The following TJP2 variants were observed in gnomAD, a reference collection of about 807,000 sequenced individuals.
TJP2 encodes the protein Friedreich ataxia region gene X104 (tight junction protein ZO-2).
Under a neutral mutation model 133.1 loss-of-function variants are expected in TJP2, and 91 were observed. The observed-to-expected ratio is 0.68, with a 90% CI of 0.58 to 0.81. TJP2 has a LOEUF of 0.81. TJP2 is among the 40% of genes least tolerant of loss of function. The pLI is 0.00. For missense variants in TJP2, 1,541 were observed against 1,565.6 expected (o/e 0.98, Z 0.26); for synonymous variants, 592 against 583.4 (o/e 1.01, Z -0.21).
intron 11 of TJP2, among the ~76,000 whole-genome samples, chr9:69,232,213 C>T (rs1355618979): frequency 6.6e-6 from 1 of 152,198 alleles, no homozygotes; most frequent in Non-Finnish European, 1.5e-5. Context: ...GGAGGTCAGG[C>T]AATAGGTGGT....
chr9:69,198,957 T>C (rs1172743976), intron 1 of TJP2, among the ~76,000 whole-genome samples: 1 of 152,248 alleles, frequency 6.6e-6, no homozygotes, highest in Admixed American at 6.5e-5. Context: ...TATTCGTTTT[T>C]GGAAGAACAA....
chr9:69,214,321 A>G (rs1054216016), intron 2 of TJP2, among the ~76,000 whole-genome samples: 1 of 152,148 alleles, frequency 6.6e-6, no homozygotes, highest in Non-Finnish European at 1.5e-5. Flanking sequence ...CCTGGACTCA[A>G]GCAATTCACC....
intron 17 of TJP2, among the ~76,000 whole-genome samples, chr9:69,246,070 G>A (rs754693402): frequency 6.6e-6 from 1 of 152,124 alleles, no homozygotes. Context: ...GTATAACAAC[G>A]ATTTGCGTAG....
At chr9:69,249,916 C>A (rs967756523) in intron 20 of TJP2, among the ~76,000 whole-genome samples, 1 of 152,166 alleles carries the variant, frequency 6.6e-6, no homozygotes. Context: ...ATCATCACCA[C>A]TGCTTACAAT....
In TJP2 at chr9:69,227,998, C is replaced by A. The variant is rs150193775; in HGVS notation, c.1337C>A (p.Pro446Gln). Residue 446 changes from proline to glutamine, a missense_variant, in exon 9 of 23, where the codon CCG becomes CAG. By Grantham distance (76) the Pro-to-Gln change is moderately conservative. Transcript: ENST00000377245. The part of the protein sequence containing the change: ...KERPSSREDT[P>Q]SRLSRMGATP... ...TGATTCAGTTCCAGAGAGGACACGC[C>A]GAGCAGATTGTCCAGGATGGGTGCG... The A allele has an allele frequency of 3.1e-6, 5 of 1,614,114 alleles. No homozygotes were observed. The highest frequency in any genetic ancestry group is 1.6e-4 in the Middle Eastern group (1 of 6,062).
At chr9:69,171,179 G>C (rs1824658255), upstream of TJP2, among the ~76,000 whole-genome samples, 1 of 152,148 alleles carries the variant, frequency 6.6e-6, no homozygotes, top group African/African-American at 2.4e-5. Context: ...AGAAACCTGA[G>C]AGTCAGCGTA....
At chr9:69,223,069 GAAAAA>G (rs57114714) in intron 5 of TJP2, among the ~76,000 whole-genome samples, 34 of 114,120 alleles carry the variant, frequency 3.0e-4, no homozygotes, top group South Asian at 1.1e-3. Context: ...ACTCTGTCTT[GAAAAA>G]AAAAAAAAAA....
At position 69,237,869 on chromosome 9, in the gene TJP2, T is replaced by C; in HGVS notation, c.2180-9T>C. 1 of 1,607,340 alleles carries C rather than the reference T, an allele frequency of 6.2e-7. No individual in the cohort carries two copies. The highest frequency in any genetic ancestry group is 8.5e-7 in the Non-Finnish European group (1 of 1,173,970). The stretch of plus-strand genomic sequence containing the variant: ...GTGTATGCTTTAATGGCCTTTCTTG[T>C]CATTTCAGCTGGTTTCAAGAGACCT... On this transcript the variant is annotated splice_polypyrimidine_tract_variant and intron_variant, in intron 14 of 22. Coordinates refer to ENST00000377245, the MANE Select transcript of TJP2 (RefSeq NM_004817.4).
intron 1 of TJP2, 112 bp downstream of exon 1, chr9:69,174,544 G>A (rs911915913): frequency 1.6e-6 from 2 of 1,268,272 alleles, no homozygotes; most frequent in Non-Finnish European, 2.2e-6. Context: ...ATGCGCCGTA[G>A]GAAGCTGGGA....
chr9:69,141,800 G>T (rs987492501), intron 1 of TJP2, among the ~76,000 whole-genome samples: 3 of 152,106 alleles, frequency 2.0e-5, no homozygotes, highest in Middle Eastern at 3.2e-3. Flanking sequence ...TGTTGGCCAG[G>T]CAGGTCTTGA....
intron 17 of TJP2, among the ~76,000 whole-genome samples, chr9:69,241,201 G>C (rs141972795): frequency 0.013 from 2,025 of 152,282 alleles, 21 homozygotes; most frequent in Middle Eastern, 0.027. Flanking sequence ...AAAGTAAAAT[G>C]GTCTAAGAAC....
intron 3 of TJP2, among the ~76,000 whole-genome samples, chr9:69,217,606 C>T (rs138823294): frequency 6.6e-5 from 10 of 152,176 alleles, no homozygotes; most frequent in East Asian, 1.9e-4. Flanking sequence ...CCTTTGAGCT[C>T]GGGAAGTTGA....
In TJP2 at chr9:69,238,716, A is replaced by G; in HGVS notation, c.2282A>G (p.Glu761Gly). Reference protein sequence around the residue: ...LPDWFQTAKTEPKDAGSEKST... With the variant: ...LPDWFQTAKTGPKDAGSEKST... Reference sequence around the variant, plus strand: ...CCTGTTTTTGCTTTTGCAGAAACGGAACCAAAAGATGCAGGATCTGAGAAA... The same window carrying G: ...CCTGTTTTTGCTTTTGCAGAAACGGGACCAAAAGATGCAGGATCTGAGAAA... The change falls in exon 16 of 23, where the codon GAA (glutamate) becomes GGA (glycine). Residue 761 changes from glutamate (E) to glycine (G), a missense_variant. Coordinates refer to ENST00000377245, the MANE Select transcript of TJP2 (RefSeq NM_004817.4). The G allele has an allele frequency of 2.5e-6, 4 of 1,613,842 alleles. No homozygotes were observed. Among genetic ancestry groups the G allele is most frequent in the Non-Finnish European group, 3.4e-6 (4 of 1,179,842 alleles).
At chr9:69,200,929 G>A (rs1476041389) in intron 1 of TJP2, among the ~76,000 whole-genome samples, 3 of 152,058 alleles carry the variant, frequency 2.0e-5, no homozygotes, top group Non-Finnish European at 4.4e-5. Context: ...ATTGACTCTT[G>A]TCTGCTTTCT....
rs11788754 is a variant in TJP2 at position 69,246,769 on chromosome 9, G to A, written c.2646G>A (p.Ala882=). 0.018 allele frequency: 28,266 copies of A among 1,614,012 alleles called. 304 individuals carry two copies. The highest frequency in any genetic ancestry group is 0.025 in the Middle Eastern group (152 of 6,062). ...CTATTCAGCATCAGCAAGGAGAAGC[G>A]GTTTGGGTCTCTGAAGGAAAGGTAT... is the stretch of plus-strand genomic sequence containing the variant. The part of the protein sequence containing the change: ...KDTIQHQQGE[A]VWVSEGKMEG... The change falls in exon 18 of 23, where the codon GCG becomes GCA. Residue 882 remains alanine, a synonymous_variant. Coordinates refer to ENST00000377245, the MANE Select transcript of TJP2 (RefSeq NM_004817.4).
rs148798484 is a variant in TJP2 at position 69,134,947 on chromosome 9, G to GGAGA, written c.-131+13237_-131+13240dup. 1.1e-3 allele frequency among the ~76,000 whole-genome samples: 168 copies of GGAGA among 148,532 alleles called. 1 individual carries two copies. The highest frequency in any genetic ancestry group is 3.7e-3 in the African/African-American group (148 of 40,398). The stretch of plus-strand genomic sequence containing the variant: ...GGAGAGAGAGGGAGAAGAGAGAAGA[G>GGAGA]GAGAGAGAGAGAGAGAGAAGAGAGA... On this transcript the variant is annotated intron_variant, in intron 1 of 5. Transcript: ENST00000423935.
chr9:69,180,193 ATTAGAATAG>A (rs1825397503), intron 1 of TJP2, among the ~76,000 whole-genome samples: 3 of 44,426 alleles, frequency 6.8e-5, no homozygotes, highest in African/African-American at 2.5e-4. Flanking sequence ...GGAGAGAGTT[ATTAGAATAG>A]TTATTCTTAC....
chr9:69,224,804 A>T (rs1829210778), intron 5 of TJP2, among the ~76,000 whole-genome samples: 1 of 148,160 alleles, frequency 6.7e-6, no homozygotes, highest in African/African-American at 2.5e-5. Context: ...CTTTCCTTCT[A>T]CTCCATCACC....
At chr9:69,189,147 A>T (rs9410783) in intron 1 of TJP2, among the ~76,000 whole-genome samples, 70,536 of 151,964 alleles carry the variant, frequency 0.46, 16,628 homozygotes, top group South Asian at 0.53. Flanking sequence ...TTGATTGGGA[A>T]TGAAGATAGG....
Sources: allele counts gnomAD v4.1 joint callset (sites outside exome capture counted in the v4.1 genomes callset), GRCh38; gene constraint gnomAD v4.1.1; transcripts MANE v1.5; gene names NCBI Gene and HGNC (gene_info 2026-07-23, HGNC 2026-07-21).